The following PRSS38 variants were observed in gnomAD, a reference collection of about 807,000 sequenced individuals.
PRSS38 encodes the protein marapsin 2.
A neutral mutation model predicts 26.8 loss-of-function variants in PRSS38; 22 were observed. The observed-to-expected ratio is 0.82, with a 90% CI of 0.59 to 1.17. The LOEUF (loss-of-function observed/expected upper bound fraction) is 1.17. Ranked by LOEUF, PRSS38 falls within the 50% of genes most tolerant of loss-of-function variation. The pLI, the probability that PRSS38 is intolerant of heterozygous loss-of-function variation, is 0.00. For synonymous variants in PRSS38, 175 were observed against 172.1 expected, an observed-to-expected ratio of 1.02 and a Z score of -0.13; for missense variants, 427 against 422.7, an observed-to-expected ratio of 1.01 and a Z score of -0.09.
intron 3 of PRSS38, among the ~76,000 whole-genome samples, chr1:227,831,197 A>G (rs1665148259): frequency 6.6e-6 from 1 of 152,130 alleles, no homozygotes; most frequent in Non-Finnish European, 1.5e-5. Flanking sequence ...ACTGTTTTAA[A>G]TGCTTCCCAC....
chr1:227,822,301 T>C (rs1026171568), intron 3 of PRSS38, among the ~76,000 whole-genome samples: 3 of 152,148 alleles, frequency 2.0e-5, no homozygotes, highest in African/African-American at 4.8e-5. Flanking sequence ...TACACTTGTT[T>C]AAAGTCTTTG....
intron 4 of PRSS38, 28 bp downstream of exon 4, chr1:227,845,640 A>T: frequency 6.2e-7 from 1 of 1,604,044 alleles, no homozygotes; most frequent in South Asian, 1.1e-5. Flanking sequence ...CATGAGACAG[A>T]GGTCATGGGT....
At chr1:227,843,537 T>C (rs1044789949) in intron 3 of PRSS38, among the ~76,000 whole-genome samples, 15 of 151,530 alleles carry the variant, frequency 9.9e-5, no homozygotes, top group Non-Finnish European at 1.3e-4. Flanking sequence ...ACCCCGTCTC[T>C]ACTAAAAATA....
exon 3 of PRSS38, chr1:227,817,209 G>A: frequency 6.2e-7 from 1 of 1,612,258 alleles, no homozygotes; most frequent in Non-Finnish European, 8.5e-7. Context: ...ACCCCCACAG[G>A]GACAAGAATA....
chr1:227,821,957 T>TAACA (rs1281573753), intron 3 of PRSS38, among the ~76,000 whole-genome samples: 1 of 152,170 alleles, frequency 6.6e-6, no homozygotes, highest in Non-Finnish European at 1.5e-5. Flanking sequence ...GAAAATACCA[T>TAACA]AACACATATG....
At chr1:227,823,104 C>T (rs1244406224) in intron 3 of PRSS38, among the ~76,000 whole-genome samples, 1 of 151,846 alleles carries the variant, frequency 6.6e-6, no homozygotes. Flanking sequence ...ATCCTCCTAC[C>T]TTGCTGAGTC....
chr1:227,846,456 A>G (rs1665432509), exon 5 of PRSS38: 1 of 558,194 alleles, frequency 1.8e-6, no homozygotes, highest in Non-Finnish European at 3.2e-6. Flanking sequence ...AGATCATTAA[A>G]TATTTACAAA....
chr1:227,840,292 T>C (rs1665318246), intron 3 of PRSS38, among the ~76,000 whole-genome samples: 1 of 152,078 alleles, frequency 6.6e-6, no homozygotes, highest in African/African-American at 2.4e-5. Flanking sequence ...CAGCTAATTT[T>C]TGTATTTTTT....
chr1:227,823,477 T>A (rs1460066075), intron 3 of PRSS38, among the ~76,000 whole-genome samples: 1 of 152,170 alleles, frequency 6.6e-6, no homozygotes, highest in Non-Finnish European at 1.5e-5. Context: ...TGACATAGTT[T>A]GGATGTTTGT....
chr1:227,845,513 C>A (rs866996407), exon 4 of PRSS38: 2 of 1,612,984 alleles, frequency 1.2e-6, no homozygotes, highest in East Asian at 4.5e-5. Context: ...TCCCGCTGAT[C>A]CTGGAGCCCT....
intron 3 of PRSS38, among the ~76,000 whole-genome samples, chr1:227,844,126 T>C (rs571826878): frequency 6.6e-6 from 1 of 152,246 alleles, no homozygotes; most frequent in Non-Finnish European, 1.5e-5. Flanking sequence ...TTAACTTTTA[T>C]AATCGTTTCT....
At chr1:227,844,226 T>C (rs1572092351) in intron 3 of PRSS38, among the ~76,000 whole-genome samples, 1 of 152,148 alleles carries the variant, frequency 6.6e-6, no homozygotes, top group Admixed American at 6.5e-5. Flanking sequence ...CAATATGTGG[T>C]GGGGATCCTC....
At chr1:227,842,393 T>G (rs1040952867) in intron 3 of PRSS38, among the ~76,000 whole-genome samples, 3 of 152,112 alleles carry the variant, frequency 2.0e-5, no homozygotes, top group African/African-American at 7.2e-5. Context: ...AGAATTGGAT[T>G]CATTCTAATT....
chr1:227,828,808 G>T (rs1572084944), intron 3 of PRSS38, among the ~76,000 whole-genome samples: 1 of 152,136 alleles, frequency 6.6e-6, no homozygotes, highest in Middle Eastern at 3.2e-3. Context: ...GAATCCTGGG[G>T]CCAGAGTATA....
intron 3 of PRSS38, among the ~76,000 whole-genome samples, chr1:227,830,183 A>G (rs1665132437): frequency 6.6e-6 from 1 of 152,114 alleles, no homozygotes; most frequent in Admixed American, 6.5e-5. Context: ...GCTGGAATCA[A>G]TTTGTTAATA....
intron 3 of PRSS38, among the ~76,000 whole-genome samples, chr1:227,843,078 C>T (rs545177912): frequency 5.3e-5 from 8 of 152,268 alleles, no homozygotes; most frequent in East Asian, 1.9e-4. Flanking sequence ...CACCCTGAGA[C>T]GGACACTAGG....
At chr1:227,843,849 A>C (rs919026634) in intron 3 of PRSS38, among the ~76,000 whole-genome samples, 4 of 151,948 alleles carry the variant, frequency 2.6e-5, no homozygotes, top group African/African-American at 9.7e-5. Flanking sequence ...GTGAAACCCT[A>C]TCTCTACTAA....
intron 3 of PRSS38, among the ~76,000 whole-genome samples, chr1:227,824,267 C>T (rs1255282940): frequency 6.6e-6 from 1 of 152,158 alleles, no homozygotes; most frequent in African/African-American, 2.4e-5. Context: ...TCCCCACTCC[C>T]TGTGTCCATG....
chr1:227,834,151 G>C (rs1665202869), intron 3 of PRSS38, among the ~76,000 whole-genome samples: 1 of 152,110 alleles, frequency 6.6e-6, no homozygotes, highest in Non-Finnish European at 1.5e-5. Flanking sequence ...AGGAAAAGAA[G>C]GATCCTCCCT....
Sources: gnomAD v4.1 joint callset for allele counts (sites outside exome capture counted in the v4.1 genomes callset) on GRCh38, gnomAD v4.1.1 for gene constraint, MANE v1.5 for transcripts, NCBI Gene and HGNC (gene_info 2026-07-23, HGNC 2026-07-21) for gene names.